Variants in LRRC4C observed in about 807,000 individuals in gnomAD.
The protein encoded by LRRC4C is leucine rich repeat containing 4C.
Under a neutral mutation model 33.6 loss-of-function variants are expected in LRRC4C, and 5 were observed. That is an observed-to-expected ratio of 0.15 (90% CI 0.08 to 0.31). LRRC4C has a LOEUF of 0.31. Among genes scored for constraint, LRRC4C ranks in the 10% least tolerant of loss-of-function variants. LRRC4C has a pLI of 1.00. For missense variants in LRRC4C, 560 were observed against 796.7 expected, an observed-to-expected ratio of 0.70 and a Z score of 3.58; for synonymous variants, 329 against 302.0, an observed-to-expected ratio of 1.09 and a Z score of -0.93.
intron 3 of LRRC4C, among the ~76,000 whole-genome samples, chr11:40,465,927 T>A (rs776907229): frequency 1.1e-4 from 16 of 152,030 alleles, no homozygotes; most frequent in Non-Finnish European, 2.1e-4. Context: ...CTATTGGGTA[T>A]CTACCCAAAG....
At chr11:41,435,868 T>G (rs1382141711) in intron 1 of LRRC4C, among the ~76,000 whole-genome samples, 2 of 152,230 alleles carry the variant, frequency 1.3e-5, no homozygotes, top group African/African-American at 4.8e-5. Context: ...TCTTGAATTC[T>G]TCAAATAATA....
At chr11:41,328,989 G>A (rs1016026404) in intron 1 of LRRC4C, among the ~76,000 whole-genome samples, 1 of 152,176 alleles carries the variant, frequency 6.6e-6, no homozygotes, top group African/African-American at 2.4e-5. Flanking sequence ...AAGCCCAAAT[G>A]TGCTTTAAAT....
At chr11:40,579,034 G>C (rs1958343882) in intron 3 of LRRC4C, among the ~76,000 whole-genome samples, 1 of 152,138 alleles carries the variant, frequency 6.6e-6, no homozygotes, top group South Asian at 2.1e-4. Flanking sequence ...AATGAATCAG[G>C]TAATAGAAAG....
intron 2 of LRRC4C, among the ~76,000 whole-genome samples, chr11:40,719,650 G>A (rs535962537): frequency 6.6e-6 from 1 of 152,150 alleles, no homozygotes; most frequent in Non-Finnish European, 1.5e-5. Context: ...GTTTGTCTAT[G>A]CAAACTGCCA....
intron 2 of LRRC4C, among the ~76,000 whole-genome samples, chr11:40,888,362 G>A (rs1955555519): frequency 2.0e-5 from 3 of 151,752 alleles, no homozygotes; most frequent in Admixed American, 6.6e-5. Flanking sequence ...GTAAGTGGAA[G>A]GTATATTTTT....
In LRRC4C at chr11:40,170,410, G is replaced by T. The variant is rs116508797; in HGVS notation, c.-95-29557C>A. On this transcript the variant is annotated intron_variant, in intron 5 of 6. Transcript: ENST00000528697. ...TCTGCAGTGCCTATTTTAAATCAAG[G>T]CCTCCAAATTACATCTTTGGTGAAA... 2.7e-3 allele frequency among the ~76,000 whole-genome samples: 409 copies of T among 152,128 alleles called. 2 individuals carry two copies. The highest frequency in any genetic ancestry group is 9.6e-3 in the African/African-American group (398 of 41,486).
chr11:40,714,017 C>CT (rs1946591249), intron 2 of LRRC4C, among the ~76,000 whole-genome samples: 1 of 152,140 alleles, frequency 6.6e-6, no homozygotes, highest in Non-Finnish European at 1.5e-5. Context: ...AGAATAATTG[C>CT]TTTTACGGAA....
At chr11:40,835,930 T>G (rs952688796) in intron 2 of LRRC4C, among the ~76,000 whole-genome samples, 1 of 152,216 alleles carries the variant, frequency 6.6e-6, no homozygotes, top group Admixed American at 6.5e-5. Context: ...TGATGCTGTC[T>G]TTGGTGAAGA....
chr11:41,258,547 T>C (rs1948875577), intron 1 of LRRC4C, among the ~76,000 whole-genome samples: 1 of 152,038 alleles, frequency 6.6e-6, no homozygotes, highest in South Asian at 2.1e-4. Context: ...TTTACCTTAT[T>C]GTGTTTTAAT....
chr11:40,363,467 A>C (rs554526924), intron 3 of LRRC4C, among the ~76,000 whole-genome samples: 1 of 152,242 alleles, frequency 6.6e-6, no homozygotes, highest in South Asian at 2.1e-4. Flanking sequence ...TACTAGGCTT[A>C]ATACCTGTGG....
At chr11:41,037,604 G>T (rs367924024) in intron 1 of LRRC4C, among the ~76,000 whole-genome samples, 1 of 93,260 alleles carries the variant, frequency 1.1e-5, no homozygotes. Flanking sequence ...ACACACACAC[G>T]CACTAAGACA....
At chr11:41,334,046 G>A (rs917204807) in intron 1 of LRRC4C, among the ~76,000 whole-genome samples, 2 of 152,214 alleles carry the variant, frequency 1.3e-5, no homozygotes. Context: ...GGCTTATTTA[G>A]CCAATCATGA....
intron 1 of LRRC4C, among the ~76,000 whole-genome samples, chr11:41,347,567 C>A (rs78244633): frequency 6.6e-6 from 1 of 152,098 alleles, no homozygotes; most frequent in Non-Finnish European, 1.5e-5. Flanking sequence ...GATATCATTT[C>A]TTCATGGATG....
At position 40,313,195 on chromosome 11, in the gene LRRC4C, C is replaced by T. The variant is rs558408372; in HGVS notation, c.-176+6433G>A. On this transcript the variant is annotated intron_variant, in intron 4 of 6. Transcript: ENST00000528697. ...TTTGTTTATGTTAGTTTTTACTCCT[C>T]GCCTCCTCCCAGGCCTTTCACCATG... 1.5e-4 allele frequency among the ~76,000 whole-genome samples: 23 copies of T among 152,158 alleles called. 1 individual carries two copies. Among genetic ancestry groups the T allele is most frequent in the African/African-American group, 5.1e-4 (21 of 41,452 alleles).
In LRRC4C at chr11:40,115,633, T is replaced by C; in HGVS notation, c.660A>G (p.Lys220=). 6.2e-7 allele frequency: 1 copy of C among 1,614,082 alleles called. No individual in the cohort carries two copies. Among genetic ancestry groups the C allele is most frequent in the Non-Finnish European group, 8.5e-7 (1 of 1,180,008 alleles). ...TCCCAGAAAGATCCAGCTCATCTAG[T>C]TTTATGAGCGGTGTGAGGTTAGGGA... is the stretch of plus-strand genomic sequence containing the variant. ...REIPNLTPLI[K]LDELDLSGNH... Residue 220 remains lysine (K), a synonymous_variant, in exon 7 of 7, where the codon AAA becomes AAG. Transcript: ENST00000528697. The surrounding 1 kb of genome is among the most constrained non-coding windows in gnomAD (Gnocchi z 6.7).
intron 2 of LRRC4C, among the ~76,000 whole-genome samples, chr11:40,805,244 A>G (rs1301456603): frequency 3.3e-5 from 5 of 152,174 alleles, no homozygotes; most frequent in African/African-American, 7.2e-5. Flanking sequence ...TTAGGATCCT[A>G]TGGCAGCTAT....
intron 1 of LRRC4C, among the ~76,000 whole-genome samples, chr11:41,150,393 A>C (rs1943935651): frequency 6.6e-6 from 1 of 152,222 alleles, no homozygotes. Context: ...GCTCAACAGT[A>C]TTCCAAAAAA....
chr11:41,324,584 A>G (rs1678180355), intron 1 of LRRC4C, among the ~76,000 whole-genome samples: 2 of 152,228 alleles, frequency 1.3e-5, no homozygotes, highest in African/African-American at 4.8e-5. Context: ...AGCACTTACA[A>G]TGGCACCATA....
intron 5 of LRRC4C, among the ~76,000 whole-genome samples, chr11:40,176,460 T>C (rs1407461110): frequency 2.0e-5 from 3 of 151,962 alleles, no homozygotes; most frequent in African/African-American, 7.3e-5. Context: ...AAGGGAGCCA[T>C]GCATGATATT....
Sources: allele counts gnomAD v4.1 joint callset (sites outside exome capture counted in the v4.1 genomes callset), GRCh38; gene constraint gnomAD v4.1.1; non-coding constraint Gnocchi (gnomAD v3.1); transcripts MANE v1.5; gene names NCBI Gene and HGNC (gene_info 2026-07-23, HGNC 2026-07-21).